ZNHIT6: variants seen among roughly 807,000 people sequenced by gnomAD.
The protein encoded by ZNHIT6 is zinc finger HIT-type containing 6, also known as box C/D snoRNA protein 1.
Under a neutral mutation model 57.2 loss-of-function variants are expected in ZNHIT6, and 45 were observed. The observed-to-expected ratio is 0.79, with a 90% CI of 0.62 to 1.01. The LOEUF is 1.01. Among genes scored for constraint, ZNHIT6 ranks in the 50% least tolerant of loss-of-function variants. The pLI is 0.00. For synonymous variants in ZNHIT6, 188 were observed against 190.0 expected (o/e 0.99, Z 0.09); for missense variants, 528 against 567.3 (o/e 0.93, Z 0.70).
intron 8 of ZNHIT6, among the ~76,000 whole-genome samples, chr1:85,676,336 CAAAAAAAA>C (rs754000429): frequency 0.025 from 1,346 of 54,468 alleles, 56 homozygotes; most frequent in Admixed American, 0.15. Flanking sequence ...AACTCCGTCT[CAAAAAAAA>C]AAAAAAAAAA....
intron 5 of ZNHIT6, among the ~76,000 whole-genome samples, chr1:85,697,462 C>A (rs1312193644): frequency 6.6e-6 from 1 of 152,152 alleles, no homozygotes; most frequent in Non-Finnish European, 1.5e-5. Context: ...TCTCAAATGG[C>A]AAGCTGTTTC....
rs868471907 is a variant in ZNHIT6 at position 85,671,634 on chromosome 1, A to G, written c.1247+5602T>C. On this transcript the variant is annotated intron_variant, in intron 8 of 9. Transcript: ENST00000370574. ...TCTAGTTGAAACTCAAAATACTTGA[A>G]TAATACACAGGAGTGATTTTCTGGG... Among the ~76,000 whole-genome samples the G allele has an allele frequency of 4.2e-4, 64 of 152,314 alleles. No homozygotes were observed. The Middle Eastern group carries it at 0.017, about 40-fold the overall frequency.
intron 5 of ZNHIT6, among the ~76,000 whole-genome samples, chr1:85,696,006 A>G (rs900128840): frequency 1.3e-5 from 2 of 152,240 alleles, no homozygotes; most frequent in Non-Finnish European, 2.9e-5. Flanking sequence ...ACTGCACTCC[A>G]GCCTGGGTGA....
At chr1:85,700,759 T>C (rs1662508604) in intron 5 of ZNHIT6, among the ~76,000 whole-genome samples, 1 of 152,234 alleles carries the variant, frequency 6.6e-6, no homozygotes, top group South Asian at 2.1e-4. Flanking sequence ...AATATGCCAG[T>C]TTCAAAACGC....
rs571944137 is a variant in ZNHIT6, at chr1:85,651,006, A to G, written c.*3052T>C. 1 of 152,220 alleles carries G rather than the reference A, an allele frequency of 6.6e-6. No homozygotes were observed. Among genetic ancestry groups the G allele is most frequent in the Non-Finnish European group, 1.5e-5 (1 of 68,040 alleles). 9.4% of individuals were successfully genotyped at this position (152,220 alleles called of 1,614,324 possible). On this transcript the variant is annotated 3_prime_UTR_variant, in exon 10 of 10. Coordinates refer to ENST00000370574, the MANE Select transcript of ZNHIT6 (RefSeq NM_017953.4). ...TCAAACCATAACAGTATATGATTAA[A>G]TAAAAATAGACCAGCATCTTTATGT...
rs1662676818 is a variant in ZNHIT6, at chr1:85,706,131, C to T, written c.862G>A (p.Ala288Thr). 6.2e-7 allele frequency: 1 copy of T among 1,613,796 alleles called. No individual in the cohort carries two copies. The change falls in exon 4 of 10, where the codon GCG (alanine) becomes ACG (threonine). Residue 288 changes from alanine (A) to threonine (T), a missense_variant. Transcript: ENST00000370574. The stretch of plus-strand genomic sequence containing the variant: ...AAAGCATCTCTAGAAATATGGTCCG[C>T]TGTTCTTGCCACATCTTCCAAAAAT... Reference protein sequence around the residue: ...YRFLEDVARTADHISRDAFLK... With the variant: ...YRFLEDVARTTDHISRDAFLK...
chr1:85,680,972 C>A, intron 5 of ZNHIT6, 68 bp from the exon 6 acceptor site: 1 of 1,197,656 alleles, frequency 8.3e-7, no homozygotes, highest in South Asian at 1.4e-5. Context: ...ATTGAACTTT[C>A]TAAATTTTCA....
chr1:85,678,626 T>C (rs1661773419), intron 7 of ZNHIT6, 75 bp downstream of exon 7: 10 of 961,856 alleles, frequency 1.0e-5, no homozygotes, highest in Non-Finnish European at 1.6e-5. Context: ...CACATTCTAA[T>C]AGTCATGGAT....
intron 4 of ZNHIT6, among the ~76,000 whole-genome samples, chr1:85,704,545 A>G (rs574095138): frequency 6.6e-6 from 1 of 152,278 alleles, no homozygotes; most frequent in East Asian, 1.9e-4. Context: ...TCATTTTATA[A>G]TTATTCATTA....
At chr1:85,682,083 G>A (rs934409167) in intron 5 of ZNHIT6, among the ~76,000 whole-genome samples, 9 of 145,454 alleles carry the variant, frequency 6.2e-5, no homozygotes, top group African/African-American at 2.0e-4. Flanking sequence ...GCATGATCTC[G>A]GTTCACTGCA....
Position 85,653,897 on chromosome 1 carries a change from A to T in ZNHIT6, c.*161T>A, listed in dbSNP as rs903841970. ...GGTCTTACAAGTCAATTAATTCAAG[A>T]GGTTATAAAATACATTTTTTAAAAG... On this transcript the variant is annotated 3_prime_UTR_variant, in exon 10 of 10. Coordinates refer to ENST00000370574, the MANE Select transcript of ZNHIT6 (RefSeq NM_017953.4). The T allele has an allele frequency of 2.5e-5, 15 of 604,394 alleles. No individual in the cohort carries two copies. Among genetic ancestry groups the T allele is most frequent in the African/African-American group, 1.7e-4 (9 of 53,372 alleles). The allele number at this position is 604,394 out of a possible 1,614,324, so 37.4% of individuals were successfully genotyped here.
rs1001833889 is a variant in ZNHIT6, at chr1:85,651,024, C to A, written c.*3034G>T. ...TGATTAAATAAAAATAGACCAGCAT[C>A]TTTATGTAAAATTTAGTAACATGAA... On this transcript the variant is annotated 3_prime_UTR_variant, in exon 10 of 10. Coordinates refer to ENST00000370574, the MANE Select transcript of ZNHIT6 (RefSeq NM_017953.4). The A allele has an allele frequency of 2.6e-5, 4 of 152,066 alleles. No individual in the cohort carries two copies. The highest frequency in any genetic ancestry group is 5.9e-5 in the Non-Finnish European group (4 of 68,030). The allele number at this position is 152,066 out of a possible 1,614,324, so 9.4% of individuals were successfully genotyped here.
At chr1:85,655,932 T>G (rs957809464) in intron 9 of ZNHIT6, among the ~76,000 whole-genome samples, 3 of 152,208 alleles carry the variant, frequency 2.0e-5, no homozygotes, top group African/African-American at 7.2e-5. Context: ...GTGTGGGAAC[T>G]ACTGAATCCC....
At chr1:85,689,966 T>C (rs1662172283) in intron 5 of ZNHIT6, among the ~76,000 whole-genome samples, 1 of 152,168 alleles carries the variant, frequency 6.6e-6, no homozygotes, top group Admixed American at 6.5e-5. Flanking sequence ...CACTAAATGC[T>C]AGCATCTGTT....
chr1:85,683,947 C>G (rs1661953946), intron 5 of ZNHIT6, among the ~76,000 whole-genome samples: 1 of 151,998 alleles, frequency 6.6e-6, no homozygotes, highest in Non-Finnish European at 1.5e-5. Context: ...GTTGTGGCCA[C>G]CAAAAATGCT....
chr1:85,680,699 TG>T, intron 6 of ZNHIT6, 136 bp downstream of exon 6: 1 of 557,592 alleles, frequency 1.8e-6, no homozygotes, highest in South Asian at 3.3e-5. Context: ...TCATTTTTAG[TG>T]ATGTTTAGCA....
intron 3 of ZNHIT6, 36 bp downstream of exon 3, chr1:85,706,213 A>C (rs1199087813): frequency 6.2e-7 from 1 of 1,610,148 alleles, no homozygotes; most frequent in Non-Finnish European, 8.5e-7. Context: ...ACCAATGGCC[A>C]GGAAGCCTCA....
Position 85,708,005 on chromosome 1 carries a change from C to T in ZNHIT6, c.280G>A (p.Gly94Ser). ...DWPGTEGRLAGQWVEQEVEDR... is the reference protein window; with the variant it reads ...DWPGTEGRLASQWVEQEVEDR... ...TCCACCTCCTGTTCTACCCACTGGCCAGCCAACCTGCCTTCTGTACCTGGC... is the reference window on the plus strand; with the variant it reads ...TCCACCTCCTGTTCTACCCACTGGCTAGCCAACCTGCCTTCTGTACCTGGC... The change falls in exon 1 of 10, where the codon GGC (glycine) becomes AGC (serine). Residue 94 changes from glycine to serine, a missense_variant. Coordinates refer to ENST00000370574, the MANE Select transcript of ZNHIT6 (RefSeq NM_017953.4). 1.9e-6 allele frequency: 3 copies of T among 1,614,172 alleles called. No individual in the cohort carries two copies. The highest frequency in any genetic ancestry group is 2.5e-6 in the Non-Finnish European group (3 of 1,180,026).
intron 1 of ZNHIT6, 48 bp from the exon 2 acceptor site, chr1:85,706,555 T>C (rs1436209601): frequency 4.2e-6 from 6 of 1,434,982 alleles, no homozygotes; most frequent in Non-Finnish European, 4.6e-6. Flanking sequence ...TTAATTGTAT[T>C]TATTTATAAA....
Sources: allele counts gnomAD v4.1 joint callset (sites outside exome capture counted in the v4.1 genomes callset), GRCh38; gene constraint gnomAD v4.1.1; transcripts MANE v1.5; gene names NCBI Gene and HGNC (gene_info 2026-07-23, HGNC 2026-07-21).